INTS14: variants seen among roughly 807,000 people sequenced by gnomAD.
INTS14 encodes the protein integrator complex subunit 14, also known as UPF0464 protein C15orf44.
A neutral mutation model predicts 56.9 loss-of-function variants in INTS14; 27 were observed. That is an observed-to-expected ratio of 0.47 (90% CI 0.35 to 0.65). The LOEUF is 0.65. Among genes scored for constraint, INTS14 ranks in the 30% least tolerant of loss-of-function variants. The probability of loss-of-function intolerance (pLI) is 0.00; values close to 1 mark genes in which losing one functional copy is unlikely to be tolerated. For synonymous variants in INTS14, 207 were observed against 236.2 expected, an observed-to-expected ratio of 0.88 and a Z score of 1.13; for missense variants, 517 against 632.2, an observed-to-expected ratio of 0.82 and a Z score of 1.95.
At chr15:65,605,308 G>T in intron 2 of INTS14, 72 bp from the exon 3 acceptor site, 2 of 1,205,620 alleles carry the variant, frequency 1.7e-6, no homozygotes, top group Non-Finnish European at 1.2e-6. Context: ...AACATAAATT[G>T]TTCAAAGTAT....
Position 65,595,812 on chromosome 15 carries a change from C to T in INTS14, c.762G>A (p.Val254=). Residue 254 remains valine (V), a synonymous_variant, in exon 7 of 12, where the codon GTG becomes GTA. Coordinates refer to ENST00000313182, the MANE Select transcript of INTS14 (RefSeq NM_001394796.1). ...PKVINTDLEI[V]GFIDIADISS... ...AAATATCAGCTATATCAATAAATCCCACTATTTCCAAATCTGAAATGAAGG... is the reference window on the plus strand; with the variant it reads ...AAATATCAGCTATATCAATAAATCCTACTATTTCCAAATCTGAAATGAAGG... 6.2e-7 allele frequency: 1 copy of T among 1,602,296 alleles called. No homozygotes were observed. Among genetic ancestry groups the T allele is most frequent in the African/African-American group, 1.3e-5 (1 of 74,304 alleles).
intron 9 of INTS14, among the ~76,000 whole-genome samples, chr15:65,588,010 G>A (rs1477044925): frequency 2.6e-5 from 4 of 151,996 alleles, no homozygotes; most frequent in Non-Finnish European, 4.4e-5. Flanking sequence ...ACGGGAGGCC[G>A]GGCACAGTGG....
Position 65,595,723 on chromosome 15 carries a change from A to G in INTS14, c.841+10T>C, listed in dbSNP as rs1262198308. On this transcript the variant is annotated intron_variant, in intron 7 of 11. Transcript: ENST00000313182. ...GACGCTTCAGACGTATCAGTGGAAT[A>G]GGAACTCACCTTTGTTAAGTGCTAT... is the stretch of plus-strand genomic sequence containing the variant. 1 of 1,592,874 alleles carries G rather than the reference A, an allele frequency of 6.3e-7. No homozygotes were observed. The highest frequency in any genetic ancestry group is 1.8e-5 in the Admixed American group (1 of 56,716).
At chr15:65,592,670 A>G (rs958907891) in intron 8 of INTS14, among the ~76,000 whole-genome samples, 7 of 152,208 alleles carry the variant, frequency 4.6e-5, no homozygotes, top group African/African-American at 1.7e-4. Flanking sequence ...TGAGGGATTA[A>G]ATGTGCTAAC....
At chr15:65,603,487 T>C (rs1458324715) in intron 3 of INTS14, among the ~76,000 whole-genome samples, 2 of 150,906 alleles carry the variant, frequency 1.3e-5, no homozygotes, top group Non-Finnish European at 2.9e-5. Flanking sequence ...TACAATCTTA[T>C]TTTTTTTAAG....
chr15:65,592,724 C>T (rs535757344), intron 8 of INTS14, among the ~76,000 whole-genome samples: 1 of 152,230 alleles, frequency 6.6e-6, no homozygotes, highest in Admixed American at 6.5e-5. Context: ...TAATAAAATG[C>T]TCAATGTTAT....
chr15:65,604,443 G>C (rs1048137890), intron 3 of INTS14, among the ~76,000 whole-genome samples: 1 of 152,084 alleles, frequency 6.6e-6, no homozygotes, highest in Non-Finnish European at 1.5e-5. Flanking sequence ...TAAGTTTGCT[G>C]AATAAAGCTG....
rs533718871 is a variant in INTS14 at position 65,581,146 on chromosome 15, G to A, written c.1305+808C>T. On this transcript the variant is annotated intron_variant, in intron 11 of 11. Coordinates refer to ENST00000313182, the MANE Select transcript of INTS14 (RefSeq NM_001394796.1). ...TGTAATCCCAGCACTTTGGGAGGCC[G>A]AGGCGAGCGGATTACCTGTGGTCAG... 3.9e-5 allele frequency among the ~76,000 whole-genome samples: 6 copies of A among 152,048 alleles called. No individual in the cohort carries two copies. The East Asian group carries it at 1.2e-3, about 29-fold the overall frequency.
intron 3 of INTS14, among the ~76,000 whole-genome samples, chr15:65,601,375 C>T (rs1396275981): frequency 6.6e-6 from 1 of 152,054 alleles, no homozygotes; most frequent in Non-Finnish European, 1.5e-5. Context: ...AGGAGACTCA[C>T]TCTGTCACCC....
chr15:65,593,664 G>T, intron 7 of INTS14, 92 bp from the exon 8 acceptor site: 1 of 1,441,616 alleles, frequency 6.9e-7, no homozygotes, highest in South Asian at 1.5e-5. Flanking sequence ...AGCCTTTAAG[G>T]GATAGTGTAG....
intron 2 of INTS14, among the ~76,000 whole-genome samples, chr15:65,606,638 ATGT>A (rs1158768266): frequency 6.6e-6 from 1 of 152,220 alleles, no homozygotes; most frequent in Non-Finnish European, 1.5e-5. Flanking sequence ...TGATTTAGAG[ATGT>A]TGTCAGAAAG....
At chr15:65,581,886 A>G in intron 11 of INTS14, 68 bp downstream of exon 11, 1 of 1,513,144 alleles carries the variant, frequency 6.6e-7, no homozygotes, top group Non-Finnish European at 9.1e-7. Flanking sequence ...CCATATTCAC[A>G]CTGCCATCTC....
chr15:65,580,226 T>C (rs774547312), intron 11 of INTS14, among the ~76,000 whole-genome samples: 7 of 152,178 alleles, frequency 4.6e-5, no homozygotes, highest in Non-Finnish European at 1.0e-4. Flanking sequence ...ATAGCCTCTC[T>C]GGGTCTCAAA....
chr15:65,579,675 A>AAATC lies in INTS14; in HGVS notation c.1306-20_1306-17dup. 4 of 1,606,880 alleles carry AAATC rather than the reference A, an allele frequency of 2.5e-6. No individual in the cohort carries two copies. The highest frequency in any genetic ancestry group is 3.4e-6 in the Non-Finnish European group (4 of 1,174,288). On this transcript the variant is annotated splice_polypyrimidine_tract_variant and intron_variant, in intron 11 of 11. Coordinates refer to ENST00000313182, the MANE Select transcript of INTS14 (RefSeq NM_001394796.1). ...GGTTCAGCTCCTGAAACAAGACAGA[A>AAATC]AATCACCAATGCTCCTGAAATGTGT...
At chr15:65,594,546 C>T (rs1489922114) in intron 7 of INTS14, among the ~76,000 whole-genome samples, 2 of 149,970 alleles carry the variant, frequency 1.3e-5, no homozygotes, top group African/African-American at 4.9e-5. Context: ...GCGCCTGCCA[C>T]TACGCCCAGG....
At chr15:65,595,482 C>T (rs1019365460) in intron 7 of INTS14, among the ~76,000 whole-genome samples, 4 of 152,218 alleles carry the variant, frequency 2.6e-5, no homozygotes, top group Admixed American at 6.5e-5. Context: ...ACTAAGCATT[C>T]TCATCTCTAA....
At chr15:65,589,276 G>GC (rs2072938342) in intron 9 of INTS14, among the ~76,000 whole-genome samples, 1 of 152,158 alleles carries the variant, frequency 6.6e-6, no homozygotes, top group South Asian at 2.1e-4. Flanking sequence ...TTCCACCTCC[G>GC]CCCCCTGAGT....
rs552354977 is a variant in INTS14, at chr15:65,584,288, T to C, written c.1239+482A>G. 4.6e-5 allele frequency among the ~76,000 whole-genome samples: 7 copies of C among 152,302 alleles called. No homozygotes were observed. The South Asian group carries it at 1.5e-3, about 32-fold the overall frequency. ...AGTTCTACTGAAGGGATGGAAGAAA[T>C]ATAGTTATGAAGACTTTTACATCTT... On this transcript the variant is annotated intron_variant, in intron 10 of 11. Coordinates refer to ENST00000313182, the MANE Select transcript of INTS14 (RefSeq NM_001394796.1).
At position 65,587,488 on chromosome 15, in the gene INTS14, A is replaced by C. The variant is rs57068588; in HGVS notation, c.1121-2600T>G. ...AAAAGTTGCAAAACAAAGGAAATAC[A>C]AATTGGTATAGCTTAGTTGTAAATA... is the stretch of plus-strand genomic sequence containing the variant. On this transcript the variant is annotated intron_variant, in intron 9 of 11. Coordinates refer to ENST00000313182, the MANE Select transcript of INTS14 (RefSeq NM_001394796.1). Among the ~76,000 whole-genome samples the C allele has an allele frequency of 8.8e-3, 1,348 of 152,346 alleles. 22 individuals carry two copies. The highest frequency in any genetic ancestry group is 0.031 in the African/African-American group (1,298 of 41,572).
Sources: allele counts gnomAD v4.1 joint callset (sites outside exome capture counted in the v4.1 genomes callset), GRCh38; gene constraint gnomAD v4.1.1; transcripts MANE v1.5; gene names NCBI Gene and HGNC (gene_info 2026-07-23, HGNC 2026-07-21).